The following CUL3 variants were observed in gnomAD, a reference collection of about 807,000 sequenced individuals.
CUL3 encodes cullin 3.
CUL3 carries 19 observed loss-of-function variants against 89.1 expected under a neutral mutation model. That is an observed-to-expected ratio of 0.21 (90% confidence interval 0.15 to 0.31). CUL3 has a LOEUF of 0.31. Ranked by LOEUF, CUL3 falls within the 10% of genes least tolerant of loss-of-function variation. CUL3 has a pLI of 1.00. For missense variants in CUL3, 469 were observed against 942.3 expected, an observed-to-expected ratio of 0.50 and a Z score of 6.58; for synonymous variants, 351 against 308.4, an observed-to-expected ratio of 1.14 and a Z score of -1.45.
intron 11 of CUL3, chr2:224,499,723 A>G (rs1016035313): frequency 4.3e-5 from 9 of 211,264 alleles, no homozygotes; most frequent in South Asian, 8.8e-5. Flanking sequence ...CCCTTGTGCA[A>G]TCAGCTCACA....
At chr2:224,493,448 AGCCAGAAG>A (rs1692058645) in intron 13 of CUL3, among the ~76,000 whole-genome samples, 3 of 152,254 alleles carry the variant, frequency 2.0e-5, no homozygotes, top group Admixed American at 2.0e-4. Context: ...AGGTGTCAGC[AGCCAGAAG>A]GCTTTGGAGC....
intron 13 of CUL3, among the ~76,000 whole-genome samples, chr2:224,483,261 C>G (rs769206145): frequency 1.3e-5 from 2 of 152,074 alleles, no homozygotes; most frequent in Non-Finnish European, 2.9e-5. Flanking sequence ...ATTCAATGAA[C>G]CAGAAATACC....
intron 1 of CUL3, among the ~76,000 whole-genome samples, chr2:224,583,378 C>G (rs1436248311): frequency 1.3e-5 from 2 of 152,134 alleles, no homozygotes; most frequent in African/African-American, 4.8e-5. Context: ...AAAAGAAAAT[C>G]TGTTGTATAC....
chr2:224,502,848 C>T (rs994398079), intron 10 of CUL3, 117 bp downstream of exon 10: 6 of 699,028 alleles, frequency 8.6e-6, no homozygotes, highest in Admixed American at 2.5e-5. Context: ...AGATAAAACA[C>T]ATGTTGTCAC....
rs1017618818 is a variant in CUL3, at chr2:224,471,054, T to A, written c.*3191A>T. The A allele has an allele frequency of 4.4e-6, 1 of 225,340 alleles. No individual in the cohort carries two copies. The highest frequency in any genetic ancestry group is 8.8e-6 in the Non-Finnish European group (1 of 113,316). 14.0% of individuals were successfully genotyped at this position (225,340 alleles called of 1,614,324 possible). On this transcript the variant is annotated 3_prime_UTR_variant, in exon 16 of 16. Transcript: ENST00000264414. ...AAAATATTCAGAATAGTATCTGGCA[T>A]ATGATAAGCACTTAAATGTTAACAT...
At chr2:224,492,122 T>G (rs1692006385) in intron 13 of CUL3, among the ~76,000 whole-genome samples, 1 of 152,184 alleles carries the variant, frequency 6.6e-6, no homozygotes, top group Admixed American at 6.5e-5. Context: ...GCAAAAAAAT[T>G]ATGCTAGCCT....
At chr2:224,574,580 G>A (rs1338060485) in intron 1 of CUL3, among the ~76,000 whole-genome samples, 1 of 152,148 alleles carries the variant, frequency 6.6e-6, no homozygotes, top group Admixed American at 6.5e-5. Flanking sequence ...GGACCACAGA[G>A]GGAGCTTTCA....
At position 224,474,296 on chromosome 2, in the gene CUL3, T is replaced by C. The variant is rs1691237267; in HGVS notation, c.2256A>G (p.Glu752=). Residue 752 remains glutamate (E), a synonymous_variant, in exon 16 of 16, where the codon GAA becomes GAG. Transcript: ENST00000264414. ...KKRIEGLIER[E]YLARTPEDRK... is the part of the protein sequence containing the mutation. ...GATCCTCAGGTGTTCGTGCCAAATA[T>C]TCTCTCTCAATAAGTCCTTCAATAC... 6.2e-7 allele frequency: 1 copy of C among 1,614,022 alleles called. No homozygotes were observed. Among genetic ancestry groups the C allele is most frequent in the Non-Finnish European group, 8.5e-7 (1 of 1,179,920 alleles).
intron 3 of CUL3, among the ~76,000 whole-genome samples, chr2:224,526,658 C>T (rs1484766201): frequency 6.9e-6 from 1 of 145,594 alleles, no homozygotes; most frequent in Non-Finnish European, 1.5e-5. Context: ...ACAGGGTCTA[C>T]TTCATGTTAG....
intron 1 of CUL3, among the ~76,000 whole-genome samples, chr2:224,564,364 C>T (rs1364865586): frequency 6.6e-6 from 1 of 152,210 alleles, no homozygotes; most frequent in Non-Finnish European, 1.5e-5. Flanking sequence ...GCTGTCGCAA[C>T]TCAAAACTAC....
At chr2:224,520,802 A>C (rs1366789714) in intron 3 of CUL3, among the ~76,000 whole-genome samples, 1 of 152,184 alleles carries the variant, frequency 6.6e-6, no homozygotes, top group Non-Finnish European at 1.5e-5. Flanking sequence ...TACTACTTCC[A>C]CCATCTTGGC....
chr2:224,566,488 T>C (rs554828981), intron 1 of CUL3, among the ~76,000 whole-genome samples: 8 of 152,340 alleles, frequency 5.3e-5, no homozygotes, highest in South Asian at 4.1e-4. Flanking sequence ...GTCAATATCC[T>C]TTGTGGCACT....
At chr2:224,484,043 A>G (rs1691627817) in intron 13 of CUL3, among the ~76,000 whole-genome samples, 1 of 152,252 alleles carries the variant, frequency 6.6e-6, no homozygotes. Flanking sequence ...TTTAAAAAAT[A>G]GCCTGTAGTC....
Position 224,476,532 on chromosome 2 carries a change from T to C in CUL3, c.2175+1668A>G, listed in dbSNP as rs144888088. Among the ~76,000 whole-genome samples the C allele has an allele frequency of 1.4e-3, 220 of 152,294 alleles. 1 individual carries two copies. The highest frequency in any genetic ancestry group is 5.0e-3 in the African/African-American group (207 of 41,558). On this transcript the variant is annotated intron_variant, in intron 15 of 15. Transcript: ENST00000264414. ...CACCAAGCTCATATCGGGTTTCACA[T>C]AGAGAAAAGAAGCCATTTCAATTTG...
intron 13 of CUL3, 148 bp from the exon 14 acceptor site, chr2:224,482,226 A>G: frequency 1.9e-6 from 1 of 539,628 alleles, no homozygotes; most frequent in Non-Finnish European, 3.2e-6. Context: ...GTACTATGAC[A>G]CATCATTAAA....
chr2:224,528,263 G>A (rs574405962), intron 3 of CUL3, among the ~76,000 whole-genome samples: 2 of 152,206 alleles, frequency 1.3e-5, no homozygotes, highest in South Asian at 2.1e-4. Context: ...TGCTTTTCTA[G>A]GGGCCATCTG....
chr2:224,480,141 C>A, intron 14 of CUL3: 1 of 152,486 alleles, frequency 6.6e-6, no homozygotes, highest in South Asian at 1.9e-4. Flanking sequence ...ACTGTCAACT[C>A]TGGAAACTGC....
chr2:224,556,941 T>A (rs1040796540), intron 2 of CUL3, among the ~76,000 whole-genome samples: 4 of 152,192 alleles, frequency 2.6e-5, no homozygotes, highest in South Asian at 4.1e-4. Context: ...ATGAAACTTT[T>A]TTTTCAAAAT....
intron 1 of CUL3, among the ~76,000 whole-genome samples, chr2:224,565,850 A>G (rs1485792428): frequency 6.6e-6 from 1 of 152,188 alleles, no homozygotes; most frequent in Non-Finnish European, 1.5e-5. Context: ...TTGGGAAGTC[A>G]TGTACAACAT....
Sources: gnomAD v4.1 joint callset for allele counts (sites outside exome capture counted in the v4.1 genomes callset) on GRCh38, gnomAD v4.1.1 for gene constraint, MANE v1.5 for transcripts, NCBI Gene and HGNC (gene_info 2026-07-23, HGNC 2026-07-21) for gene names.